Variants in OSBPL8 observed in about 807,000 individuals in gnomAD.
OSBPL8 encodes oxysterol-binding protein-related protein 8.
OSBPL8 carries 59 observed loss-of-function variants against 125.5 expected under a neutral mutation model. The ratio of observed to expected loss-of-function variants is 0.47; its 90% confidence interval spans 0.38 to 0.58. The LOEUF (loss-of-function observed/expected upper bound fraction) is 0.58, where lower values mean the gene tolerates loss of function less well. Ranked by LOEUF, OSBPL8 falls within the 20% of genes least tolerant of loss-of-function variation. The probability of loss-of-function intolerance (pLI) is 0.00; values close to 1 mark genes in which losing one functional copy is unlikely to be tolerated. For synonymous variants in OSBPL8, 330 were observed against 338.9 expected, an observed-to-expected ratio of 0.97 and a Z score of 0.29; for missense variants, 758 against 1,047.8, an observed-to-expected ratio of 0.72 and a Z score of 3.82.
intron 12 of OSBPL8, 125 bp from the exon 13 acceptor site, chr12:76,386,785 C>A: frequency 1.7e-6 from 1 of 601,306 alleles, no homozygotes; most frequent in Non-Finnish European, 2.9e-6. Context: ...AAATGGATGA[C>A]AAAACAACCA....
chr12:76,379,154 C>T (rs1348018129), intron 15 of OSBPL8, among the ~76,000 whole-genome samples: 1 of 152,146 alleles, frequency 6.6e-6, no homozygotes, highest in African/African-American at 2.4e-5. Flanking sequence ...AACACTGTTT[C>T]ACTGTATAGC....
chr12:76,521,288 A>G (rs2137262698), intron 1 of OSBPL8, among the ~76,000 whole-genome samples: 1 of 152,352 alleles, frequency 6.6e-6, no homozygotes, highest in Non-Finnish European at 1.5e-5. Flanking sequence ...CCCTACCAAA[A>G]TAAGTGTATT....
chr12:76,372,327 T>TC (rs1365013896), intron 18 of OSBPL8, among the ~76,000 whole-genome samples: 1 of 152,116 alleles, frequency 6.6e-6, no homozygotes, highest in East Asian at 1.9e-4. Context: ...TGCCTTAGCT[T>TC]CCTGAGTAGC....
Position 76,356,676 on chromosome 12 carries a change from G to A in OSBPL8, c.2487C>T (p.Asp829=). 1 of 1,610,636 alleles carries A rather than the reference G, an allele frequency of 6.2e-7. No individual in the cohort carries two copies. The highest frequency in any genetic ancestry group is 8.5e-7 in the Non-Finnish European group (1 of 1,177,982). Reference sequence around the variant, plus strand: ...TTATAGATTCGATGGAACTCTGAATGTCTCCCAGTTCTATTCCTTTCTTTC... The same window carrying A: ...TTATAGATTCGATGGAACTCTGAATATCTCCCAGTTCTATTCCTTTCTTTC... ...TRRKKGIELG[D]IQSSIESIKQ... The change falls in exon 23 of 24, where the codon GAC becomes GAT. Residue 829 remains aspartate, a synonymous_variant. Transcript: ENST00000261183.
chr12:76,428,177 A>G (rs1812134545), intron 4 of OSBPL8, among the ~76,000 whole-genome samples: 1 of 152,082 alleles, frequency 6.6e-6, no homozygotes, highest in Non-Finnish European at 1.5e-5. Flanking sequence ...TATATCATAT[A>G]TGGTCTAGTG....
At chr12:76,511,350 A>T (rs544296642) in intron 1 of OSBPL8, among the ~76,000 whole-genome samples, 26 of 152,270 alleles carry the variant, frequency 1.7e-4, no homozygotes, top group Non-Finnish European at 3.2e-4. Context: ...GCTAATTTAC[A>T]TTCCCACCAA....
chr12:76,541,151 T>C (rs546305660), intron 1 of OSBPL8, among the ~76,000 whole-genome samples: 29 of 152,298 alleles, frequency 1.9e-4, no homozygotes, highest in African/African-American at 6.3e-4. Flanking sequence ...CAATAGAAAG[T>C]ATTTGTAATA....
At chr12:76,460,016 G>A (rs1435806463) in intron 2 of OSBPL8, 121 bp from the exon 3 acceptor site, 11 of 902,274 alleles carry the variant, frequency 1.2e-5, no homozygotes, top group Non-Finnish European at 2.0e-5. Flanking sequence ...TAGTTTATAA[G>A]TAGAAAGCAC....
intron 15 of OSBPL8, among the ~76,000 whole-genome samples, chr12:76,383,087 T>C (rs1953132340): frequency 6.6e-6 from 1 of 152,216 alleles, no homozygotes; most frequent in East Asian, 1.9e-4. Flanking sequence ...CTTAAATTCA[T>C]TCTGGATTTA....
intron 4 of OSBPL8, among the ~76,000 whole-genome samples, chr12:76,420,849 T>C (rs1029221654): frequency 3.3e-5 from 5 of 152,056 alleles, no homozygotes; most frequent in Non-Finnish European, 7.4e-5. Context: ...AGATATTTTA[T>C]AGAGCTTTTT....
intron 2 of OSBPL8, among the ~76,000 whole-genome samples, chr12:76,474,752 G>A (rs373633682): frequency 4.9e-4 from 75 of 152,224 alleles, no homozygotes; most frequent in Middle Eastern, 3.4e-3. Context: ...CAAAGTGCTG[G>A]GATTACAGGC....
At chr12:76,368,658 C>G (rs928959794) in intron 21 of OSBPL8, among the ~76,000 whole-genome samples, 2 of 151,954 alleles carry the variant, frequency 1.3e-5, no homozygotes, top group Non-Finnish European at 2.9e-5. Context: ...CTGTCTTATG[C>G]TTGCTTATAT....
At chr12:76,472,938 G>A (rs578043125) in intron 2 of OSBPL8, among the ~76,000 whole-genome samples, 1 of 152,000 alleles carries the variant, frequency 6.6e-6, no homozygotes, top group African/African-American at 2.4e-5. Context: ...CCGGGGAAAG[G>A]GAGACTCCCT....
intron 12 of OSBPL8, 97 bp downstream of exon 12, chr12:76,389,548 C>A: frequency 4.0e-6 from 4 of 996,458 alleles, no homozygotes; most frequent in African/African-American, 1.6e-5. Context: ...CTCATTAGAG[C>A]CTGATTTTGG....
chr12:76,462,440 T>C (rs11615272), intron 2 of OSBPL8, among the ~76,000 whole-genome samples: 24,316 of 152,058 alleles, frequency 0.16, 2,263 homozygotes, highest in Middle Eastern at 0.24. Context: ...CACTGAACAA[T>C]AATCAAAACA....
chr12:76,449,269 G>A (rs544482796), intron 4 of OSBPL8, among the ~76,000 whole-genome samples: 1 of 152,244 alleles, frequency 6.6e-6, no homozygotes, highest in East Asian at 1.9e-4. Context: ...CCACAGCTAT[G>A]AGTAGTACCA....
chr12:76,376,927 C>A (rs1020547487), intron 16 of OSBPL8, among the ~76,000 whole-genome samples: 3 of 152,092 alleles, frequency 2.0e-5, no homozygotes, highest in African/African-American at 7.2e-5. Flanking sequence ...CCTCCCCTTG[C>A]CCCCCACCTC....
At chr12:76,356,869 T>G (rs1173482259) in intron 22 of OSBPL8, 141 bp from the exon 23 acceptor site, 1 of 551,464 alleles carries the variant, frequency 1.8e-6, no homozygotes, top group East Asian at 3.0e-5. Context: ...ACTCTGCACT[T>G]TTGAAGTTTC....
chr12:76,398,438 CATTT>C (rs1324891243), intron 7 of OSBPL8, among the ~76,000 whole-genome samples: 1 of 152,084 alleles, frequency 6.6e-6, no homozygotes, highest in Non-Finnish European at 1.5e-5. Flanking sequence ...TAAAGTATGC[CATTT>C]AAATTTATTG....
Sources: allele counts gnomAD v4.1 joint callset (sites outside exome capture counted in the v4.1 genomes callset), GRCh38; gene constraint gnomAD v4.1.1; transcripts MANE v1.5; gene names NCBI Gene and HGNC (gene_info 2026-07-23, HGNC 2026-07-21).